Variants in TANGO6 observed in about 807,000 individuals in gnomAD.
TANGO6 encodes transport and Golgi organization protein 6 homolog.
In TANGO6, 90 loss-of-function variants were observed where a neutral mutation model predicts 114.2. That is an observed-to-expected ratio of 0.79 (90% CI 0.66 to 0.94). The LOEUF (loss-of-function observed/expected upper bound fraction) is 0.94, where lower values mean the gene tolerates loss of function less well. Ranked by LOEUF, TANGO6 falls within the 40% of genes least tolerant of loss-of-function variation. TANGO6 has a pLI of 0.00. For synonymous variants in TANGO6, 477 were observed against 509.8 expected, an observed-to-expected ratio of 0.94 and a Z score of 0.87; for missense variants, 1,274 against 1,315.3, an observed-to-expected ratio of 0.97 and a Z score of 0.49.
intron 14 of TANGO6, among the ~76,000 whole-genome samples, chr16:68,960,156 C>T (rs1479470430): frequency 6.6e-6 from 1 of 152,144 alleles, no homozygotes; most frequent in Non-Finnish European, 1.5e-5. Flanking sequence ...ATGAATGACG[C>T]CTGGCTTCTT....
At chr16:68,867,344 G>C (rs1962194544) in intron 4 of TANGO6, 124 bp downstream of exon 4, 1 of 1,273,592 alleles carries the variant, frequency 7.9e-7, no homozygotes, top group East Asian at 2.3e-5. Context: ...CATCCTTGCA[G>C]GGATTGAACA....
At chr16:68,878,047 G>C in intron 5 of TANGO6, 71 bp from the exon 6 acceptor site, 1 of 1,315,710 alleles carries the variant, frequency 7.6e-7, no homozygotes, top group Non-Finnish European at 1.0e-6. Flanking sequence ...AGAAATTCAT[G>C]CTTTTTGTTT....
chr16:68,973,683 GT>G (rs1170973366), intron 14 of TANGO6, among the ~76,000 whole-genome samples: 1 of 152,190 alleles, frequency 6.6e-6, no homozygotes, highest in Admixed American at 6.5e-5. Flanking sequence ...ATGTTTCCTT[GT>G]GGAAACTGCT....
intron 14 of TANGO6, among the ~76,000 whole-genome samples, chr16:68,949,052 G>T (rs1311896399): frequency 6.6e-6 from 1 of 152,180 alleles, no homozygotes; most frequent in Non-Finnish European, 1.5e-5. Context: ...TGAGCGTGGT[G>T]GTGCATGCCT....
chr16:69,033,812 A>G (rs1241487398), intron 16 of TANGO6: 1 of 153,540 alleles, frequency 6.5e-6, no homozygotes, highest in Non-Finnish European at 1.5e-5. Context: ...TCACAGAGAC[A>G]TGACTGAGGA....
chr16:68,884,215 C>T (rs1333116585), intron 7 of TANGO6, among the ~76,000 whole-genome samples: 1 of 152,124 alleles, frequency 6.6e-6, no homozygotes, highest in Non-Finnish European at 1.5e-5. Context: ...CGGCCTCACT[C>T]ACTTTATTTG....
chr16:68,853,951 G>C (rs1351028320), intron 1 of TANGO6, among the ~76,000 whole-genome samples: 2 of 151,978 alleles, frequency 1.3e-5, no homozygotes, highest in East Asian at 3.9e-4. Flanking sequence ...CTGAATAATT[G>C]TCCATTTTTT....
At chr16:68,882,453 C>A (rs544215907) in intron 7 of TANGO6, among the ~76,000 whole-genome samples, 1 of 151,222 alleles carries the variant, frequency 6.6e-6, no homozygotes, top group East Asian at 2.0e-4. Flanking sequence ...GCCGAGATCG[C>A]ACCACTGCAC....
intron 7 of TANGO6, among the ~76,000 whole-genome samples, chr16:68,894,737 G>A (rs1163899576): frequency 6.6e-6 from 1 of 151,900 alleles, no homozygotes; most frequent in Non-Finnish European, 1.5e-5. Context: ...AAATACATAC[G>A]AGATTTACCA....
At chr16:68,877,189 G>T (rs572067270) in intron 5 of TANGO6, among the ~76,000 whole-genome samples, 1 of 152,158 alleles carries the variant, frequency 6.6e-6, no homozygotes, top group East Asian at 1.9e-4. Flanking sequence ...AAAATGTGGG[G>T]CTGGGCACGG....
chr16:68,877,378 G>A (rs529353754), intron 5 of TANGO6, among the ~76,000 whole-genome samples: 2 of 150,248 alleles, frequency 1.3e-5, no homozygotes, highest in South Asian at 4.2e-4. Flanking sequence ...TGGGGCAGGA[G>A]AATTGCTTGA....
At chr16:69,061,304 C>T (rs965387477) in intron 17 of TANGO6, among the ~76,000 whole-genome samples, 1 of 152,186 alleles carries the variant, frequency 6.6e-6, no homozygotes, top group Non-Finnish European at 1.5e-5. Flanking sequence ...GTGGCTCATG[C>T]CTGTAATCCC....
At position 69,083,560 on chromosome 16, in the gene TANGO6, A is replaced by G; in HGVS notation, c.3184A>G (p.Lys1062Glu). The G allele has an allele frequency of 6.2e-7, 1 of 1,610,646 alleles. No homozygotes were observed. The highest frequency in any genetic ancestry group is 1.3e-5 in the African/African-American group (1 of 75,008). The part of the protein sequence containing the change: ...VVCLEPDDVA[K>E]LHAQLALEEL... Reference sequence around the variant, plus strand: ...GTGTCTGGAGCCCGATGACGTGGCCAAGCTCCATGCCCAGTTGGCCCTAGA... The same window carrying G: ...GTGTCTGGAGCCCGATGACGTGGCCGAGCTCCATGCCCAGTTGGCCCTAGA... The change falls in exon 18 of 18, where the codon AAG becomes GAG. Residue 1062 changes from lysine to glutamate, a missense_variant. Around this residue, in one of 5 missense-constraint regions of TANGO6, gnomAD observed 238 missense variants for 252.9 expected, o/e 0.94. Coordinates refer to ENST00000261778, the MANE Select transcript of TANGO6 (RefSeq NM_024562.2).
intron 4 of TANGO6, among the ~76,000 whole-genome samples, chr16:68,869,292 A>T (rs1962229168): frequency 6.6e-6 from 1 of 152,204 alleles, no homozygotes; most frequent in Non-Finnish European, 1.5e-5. Flanking sequence ...AGCCTGGGCA[A>T]CATGGGGAAA....
At chr16:68,979,277 C>G (rs1001711931) in intron 15 of TANGO6, among the ~76,000 whole-genome samples, 1 of 151,624 alleles carries the variant, frequency 6.6e-6, no homozygotes. Flanking sequence ...TTATCCAGGC[C>G]GGAGTGCAGT....
At chr16:68,984,015 A>G (rs1415530968) in intron 15 of TANGO6, among the ~76,000 whole-genome samples, 1 of 151,734 alleles carries the variant, frequency 6.6e-6, no homozygotes, top group African/African-American at 2.4e-5. Context: ...CCTGGGCGAC[A>G]GAGCAAGACT....
intron 14 of TANGO6, among the ~76,000 whole-genome samples, chr16:68,934,136 G>T (rs565273045): frequency 6.6e-6 from 1 of 151,444 alleles, no homozygotes; most frequent in Non-Finnish European, 1.5e-5. Context: ...TCTAACTCCT[G>T]GGCTCAAGCA....
intron 15 of TANGO6, among the ~76,000 whole-genome samples, chr16:69,007,333 GA>G (rs1357296063): frequency 8.4e-5 from 12 of 142,400 alleles, no homozygotes; most frequent in African/African-American, 2.9e-4. Flanking sequence ...GCAGTGGCAC[GA>G]TCTCGGCTCA....
At chr16:69,077,082 C>T (rs1222365211) in intron 17 of TANGO6, among the ~76,000 whole-genome samples, 1 of 151,512 alleles carries the variant, frequency 6.6e-6, no homozygotes, top group Non-Finnish European at 1.5e-5. Flanking sequence ...CACTCTGTCT[C>T]CCAGGATAGA....
Sources: allele counts gnomAD v4.1 joint callset (sites outside exome capture counted in the v4.1 genomes callset), GRCh38; gene constraint gnomAD v4.1.1; regional missense constraint gnomAD v4.1.1; transcripts MANE v1.5; gene names NCBI Gene and HGNC (gene_info 2026-07-23, HGNC 2026-07-21).